The following KLRD1 variants were observed in gnomAD, a reference collection of about 807,000 sequenced individuals.
The protein encoded by KLRD1 is killer cell lectin like receptor D1.
A neutral mutation model predicts 22.6 loss-of-function variants in KLRD1; 21 were observed. That is an observed-to-expected ratio of 0.93 (90% CI 0.66 to 1.34). KLRD1 has a LOEUF of 1.34. KLRD1 is among the 40% of genes most tolerant of loss of function. The pLI is 0.00. For synonymous variants in KLRD1, 59 were observed against 71.1 expected, an observed-to-expected ratio of 0.83 and a Z score of 0.85; for missense variants, 183 against 208.6, an observed-to-expected ratio of 0.88 and a Z score of 0.76.
At position 10,316,564 on chromosome 12, in the gene KLRD1, G is replaced by C. The variant is rs191568031; in HGVS notation, c.*1771G>C. ...ACTCAGGTGCGAGCCATCATGCTCA[G>C]CTAATTTTTTGTATCATTTGTAGAA... is the stretch of plus-strand genomic sequence containing the variant. On this transcript the variant is annotated 3_prime_UTR_variant, in exon 6 of 6. Transcript: ENST00000336164. 1 of 152,122 alleles carries C rather than the reference G, an allele frequency of 6.6e-6. No individual in the cohort carries two copies. Among genetic ancestry groups the C allele is most frequent in the Admixed American group, 6.5e-5 (1 of 15,288 alleles). 9.4% of individuals were successfully genotyped at this position (152,122 alleles called of 1,614,324 possible).
chr12:10,279,552 G>A (rs1949621952), intron 1 of KLRD1, among the ~76,000 whole-genome samples: 1 of 151,970 alleles, frequency 6.6e-6, no homozygotes, highest in Non-Finnish European at 1.5e-5. Context: ...GGTATTCAGG[G>A]GTTTTCTTTA....
At position 10,317,549 on chromosome 12, in the gene KLRD1, CTT is replaced by C. The variant is rs1254615773; in HGVS notation, c.*2758_*2759del. On this transcript the variant is annotated 3_prime_UTR_variant, in exon 6 of 6. Transcript: ENST00000336164. ...CTATTCCATAAAATCCTAAGCAAGC[CTT>C]TGTTTCTTTGCAGTCAGCTTTTCTT... is the stretch of plus-strand genomic sequence containing the variant. 3 of 152,188 alleles carry C rather than the reference CTT, an allele frequency of 2.0e-5. No homozygotes were observed. Among genetic ancestry groups the C allele is most frequent in the Non-Finnish European group, 4.4e-5 (3 of 68,036 alleles). 9.4% of individuals were successfully genotyped at this position (152,188 alleles called of 1,614,324 possible).
At chr12:10,256,323 T>TG in intron 1 of KLRD1, among the ~76,000 whole-genome samples, 1 of 151,970 alleles carries the variant, frequency 6.6e-6, no homozygotes, top group African/African-American at 2.4e-5. Flanking sequence ...CAATTACTGA[T>TG]GGGGAAGGAC....
At chr12:10,303,126 C>G (rs1359298489), upstream of KLRD1, among the ~76,000 whole-genome samples, 1 of 152,224 alleles carries the variant, frequency 6.6e-6, no homozygotes, top group Non-Finnish European at 1.5e-5. Context: ...ATTTCTCTCA[C>G]TGTCATAATT....
chr12:10,313,010 GA>G (rs1214619298), intron 4 of KLRD1, among the ~76,000 whole-genome samples: 100 of 151,768 alleles, frequency 6.6e-4, no homozygotes, highest in African/African-American at 2.4e-3. Flanking sequence ...AAGAAAAAGC[GA>G]AAAACTTCTC....
chr12:10,267,168 A>AT (rs1949508508), intron 1 of KLRD1, among the ~76,000 whole-genome samples: 2 of 150,292 alleles, frequency 1.3e-5, no homozygotes, highest in Admixed American at 1.3e-4. Flanking sequence ...ATCTCATAAA[A>AT]TTTTACTTTT....
At chr12:10,280,369 T>C (rs748623576) in intron 1 of KLRD1, among the ~76,000 whole-genome samples, 23 of 152,240 alleles carry the variant, frequency 1.5e-4, no homozygotes, top group Non-Finnish European at 3.2e-4. Context: ...TATTTAATAA[T>C]TATATGGAAA....
At chr12:10,264,451 G>C (rs1412568879) in intron 1 of KLRD1, among the ~76,000 whole-genome samples, 1 of 152,092 alleles carries the variant, frequency 6.6e-6, no homozygotes, top group Non-Finnish European at 1.5e-5. Context: ...AATTATCAAA[G>C]TAGTATGTCC....
chr12:10,274,179 C>G (rs958869391), intron 1 of KLRD1, among the ~76,000 whole-genome samples: 25 of 152,054 alleles, frequency 1.6e-4, no homozygotes, highest in African/African-American at 5.8e-4. Context: ...ACTCAGGAGG[C>G]TGAGGCAGGA....
chr12:10,283,626 A>G (rs1949667910), intron 1 of KLRD1, among the ~76,000 whole-genome samples: 1 of 152,074 alleles, frequency 6.6e-6, no homozygotes, highest in South Asian at 2.1e-4. Flanking sequence ...GAAAGACAAA[A>G]TAACAGGCTT....
intron 1 of KLRD1, among the ~76,000 whole-genome samples, chr12:10,252,666 G>T (rs1565448323): frequency 6.6e-6 from 1 of 152,196 alleles, no homozygotes; most frequent in Non-Finnish European, 1.5e-5. Context: ...AGGGAAGACA[G>T]TAGATTCCAT....
chr12:10,253,026 A>G (rs762312707), intron 1 of KLRD1, among the ~76,000 whole-genome samples: 21 of 152,022 alleles, frequency 1.4e-4, no homozygotes, highest in Admixed American at 2.6e-4. Flanking sequence ...TGCATAAAAC[A>G]TTTCTTATCT....
intron 1 of KLRD1, among the ~76,000 whole-genome samples, chr12:10,291,258 G>GT (rs1445164700): frequency 6.6e-6 from 1 of 152,156 alleles, no homozygotes; most frequent in African/African-American, 2.4e-5. Context: ...CAGGGTGGTG[G>GT]TTGTTGAAGG....
chr12:10,258,546 T>G (rs951887532), intron 1 of KLRD1, among the ~76,000 whole-genome samples: 1 of 152,172 alleles, frequency 6.6e-6, no homozygotes, highest in Non-Finnish European at 1.5e-5. Context: ...GACTACAAAG[T>G]CCTGGAACAA....
chr12:10,306,795 A>G (rs1244115745), upstream of KLRD1, among the ~76,000 whole-genome samples: 3 of 152,248 alleles, frequency 2.0e-5, no homozygotes, highest in Non-Finnish European at 4.4e-5. Flanking sequence ...TAGGCACACA[A>G]TGCAAACTGA....
At position 10,320,993 on chromosome 12, in the gene KLRD1, A is replaced by G. The variant is rs1950307230; in HGVS notation, c.*6200A>G. 1 of 152,228 alleles carries G rather than the reference A, an allele frequency of 6.6e-6. No homozygotes were observed. Among genetic ancestry groups the G allele is most frequent in the Non-Finnish European group, 1.5e-5 (1 of 68,032 alleles). 9.4% of individuals were successfully genotyped at this position (152,228 alleles called of 1,614,324 possible). ...TTTGAGATGACTATGTCAGTAGAAAATTGACAATGAATTGCTACCTTTTAT... is the reference window on the plus strand; with the variant it reads ...TTTGAGATGACTATGTCAGTAGAAAGTTGACAATGAATTGCTACCTTTTAT... On this transcript the variant is annotated 3_prime_UTR_variant, in exon 6 of 6. Transcript: ENST00000336164.
chr12:10,315,508 T>A lies in KLRD1; in HGVS notation c.*715T>A, dbSNP rs547351883. 1.8e-5 allele frequency: 3 copies of A among 169,178 alleles called. No homozygotes were observed. The South Asian group carries it at 3.7e-4, about 21-fold the overall frequency. The allele number at this position is 169,178 out of a possible 1,614,324, so 10.5% of individuals were successfully genotyped here. A position where few individuals can be genotyped will look rare whatever the true frequency, so the allele number is the denominator to read the frequency against. ...AAAAGATATAGGATGAAAAATAATA[T>A]CTTTCAAATGTTTAATTTGAACTAA... On this transcript the variant is annotated 3_prime_UTR_variant, in exon 6 of 6. Coordinates refer to ENST00000336164, the MANE Select transcript of KLRD1 (RefSeq NM_002262.5).
upstream of KLRD1, among the ~76,000 whole-genome samples, chr12:10,304,930 A>C (rs1949900851): frequency 1.3e-5 from 2 of 152,178 alleles, no homozygotes; most frequent in Admixed American, 6.5e-5. Context: ...TAAAAGAATA[A>C]TTTGCAGCCT....
At chr12:10,293,121 G>C (rs1291487231) in intron 1 of KLRD1, among the ~76,000 whole-genome samples, 7 of 32,364 alleles carry the variant, frequency 2.2e-4, no homozygotes, top group African/African-American at 6.0e-4. Flanking sequence ...TTGTGTGGCT[G>C]GTTTGATCTT....
Sources: gnomAD v4.1 joint callset for allele counts (sites outside exome capture counted in the v4.1 genomes callset) on GRCh38, gnomAD v4.1.1 for gene constraint, MANE v1.5 for transcripts, NCBI Gene and HGNC (gene_info 2026-07-23, HGNC 2026-07-21) for gene names.